Variants in PLCB4 observed in about 807,000 individuals in gnomAD.
The protein encoded by PLCB4 is 1-phosphatidylinositol 4,5-bisphosphate phosphodiesterase beta-4.
In PLCB4, 77 loss-of-function variants were observed where a neutral mutation model predicts 178.8. The ratio of observed to expected loss-of-function variants is 0.43; its 90% CI spans 0.36 to 0.52. The LOEUF (loss-of-function observed/expected upper bound fraction) is 0.52, where lower values mean the gene tolerates loss of function less well. PLCB4 is among the 20% of genes least tolerant of loss of function. The pLI is 0.00. For missense variants in PLCB4, 1,024 were observed against 1,453.4 expected, an observed-to-expected ratio of 0.70 and a Z score of 4.80; for synonymous variants, 496 against 490.8, an observed-to-expected ratio of 1.01 and a Z score of -0.14.
chr20:9,115,220 G>A (rs1490502728), intron 2 of PLCB4, among the ~76,000 whole-genome samples: 6 of 152,010 alleles, frequency 3.9e-5, no homozygotes, highest in Non-Finnish European at 8.8e-5. Flanking sequence ...TAAATCTTAC[G>A]TTATTCATTT....
chr20:9,316,469 C>T (rs1454522739), intron 4 of PLCB4, among the ~76,000 whole-genome samples: 4 of 152,114 alleles, frequency 2.6e-5, no homozygotes, highest in East Asian at 3.9e-4. Context: ...GATTCGTAGG[C>T]GGGGGCCAAA....
At chr20:9,239,973 T>G (rs2094039635) in intron 3 of PLCB4, among the ~76,000 whole-genome samples, 1 of 152,182 alleles carries the variant, frequency 6.6e-6, no homozygotes, top group Non-Finnish European at 1.5e-5. Flanking sequence ...CTTGCCTGCT[T>G]TATTCTAGCT....
At chr20:9,413,801 C>T (rs1359715382) in intron 25 of PLCB4, among the ~76,000 whole-genome samples, 1 of 152,162 alleles carries the variant, frequency 6.6e-6, no homozygotes, top group East Asian at 1.9e-4. Context: ...CGCTCTGTCA[C>T]CCAGGCTCAA....
chr20:9,285,437 T>G (rs2094528764), intron 3 of PLCB4, among the ~76,000 whole-genome samples: 1 of 151,982 alleles, frequency 6.6e-6, no homozygotes, highest in African/African-American at 2.4e-5. Flanking sequence ...AAAGCCTGAC[T>G]TACTAAGTTC....
At chr20:9,276,626 A>T (rs948251351) in intron 3 of PLCB4, among the ~76,000 whole-genome samples, 22 of 152,060 alleles carry the variant, frequency 1.4e-4, no homozygotes, top group African/African-American at 5.3e-4. Context: ...GTTCTGTGCC[A>T]TTCCTAGTCC....
At chr20:9,455,968 T>G (rs2122355351) in intron 33 of PLCB4, among the ~76,000 whole-genome samples, 2 of 152,334 alleles carry the variant, frequency 1.3e-5, no homozygotes, top group South Asian at 4.1e-4. Flanking sequence ...CCTGAGTAGC[T>G]GAGACTACAG....
At chr20:9,266,532 G>A (rs1160789409) in intron 3 of PLCB4, among the ~76,000 whole-genome samples, 1 of 152,118 alleles carries the variant, frequency 6.6e-6, no homozygotes, top group Non-Finnish European at 1.5e-5. Context: ...GTTAGTATCT[G>A]TTATTTTCAT....
chr20:9,317,274 G>A (rs1226835954), intron 4 of PLCB4, among the ~76,000 whole-genome samples: 1 of 152,006 alleles, frequency 6.6e-6, no homozygotes, highest in Admixed American at 6.6e-5. Context: ...TTTTAATTTA[G>A]TCACCCTCTA....
chr20:9,237,714 T>C (rs2147389857), intron 3 of PLCB4, among the ~76,000 whole-genome samples: 1 of 152,194 alleles, frequency 6.6e-6, no homozygotes, highest in South Asian at 2.1e-4. Context: ...GTGGTGTTAA[T>C]AGATACTTTG....
intron 3 of PLCB4, among the ~76,000 whole-genome samples, chr20:9,262,445 C>G (rs1253386013): frequency 6.6e-6 from 1 of 152,040 alleles, no homozygotes; most frequent in Non-Finnish European, 1.5e-5. Context: ...GAGTTACCTG[C>G]AAAAGGAAGA....
chr20:9,283,098 C>T (rs1298656286), intron 3 of PLCB4, among the ~76,000 whole-genome samples: 1 of 151,888 alleles, frequency 6.6e-6, no homozygotes, highest in Non-Finnish European at 1.5e-5. Context: ...GGAAGACTTT[C>T]TGGTCATGGA....
At chr20:9,345,070 T>C (rs2033655336) in intron 7 of PLCB4, among the ~76,000 whole-genome samples, 1 of 152,072 alleles carries the variant, frequency 6.6e-6, no homozygotes, top group South Asian at 2.1e-4. Context: ...ATGCCTGTAA[T>C]CCCAGCTACA....
intron 7 of PLCB4, among the ~76,000 whole-genome samples, chr20:9,343,007 G>T (rs1252125953): frequency 2.0e-5 from 3 of 152,150 alleles, no homozygotes; most frequent in African/African-American, 4.8e-5. Context: ...GACATGTAAG[G>T]TGAGAGTAAA....
At chr20:9,120,479 C>T (rs1365965059) in intron 2 of PLCB4, among the ~76,000 whole-genome samples, 1 of 152,000 alleles carries the variant, frequency 6.6e-6, no homozygotes, top group Non-Finnish European at 1.5e-5. Context: ...CTCTTAGCAA[C>T]ATCTTGCCAT....
At chr20:9,236,240 A>G (rs967729140) in intron 3 of PLCB4, among the ~76,000 whole-genome samples, 2 of 152,128 alleles carry the variant, frequency 1.3e-5, no homozygotes, top group African/African-American at 4.8e-5. Context: ...TGTTTAAGTG[A>G]CCTATAGGTT....
chr20:9,325,498 C>T (rs984029822), intron 4 of PLCB4, among the ~76,000 whole-genome samples: 2 of 152,154 alleles, frequency 1.3e-5, no homozygotes, highest in Non-Finnish European at 2.9e-5. Context: ...TGGCAAGAGT[C>T]AGGGAACCCT....
At chr20:9,115,475 T>C (rs1204976195) in intron 2 of PLCB4, among the ~76,000 whole-genome samples, 1 of 151,674 alleles carries the variant, frequency 6.6e-6, no homozygotes, top group Non-Finnish European at 1.5e-5. Flanking sequence ...ATGTGCACAA[T>C]GTGCAGGTTT....
intron 5 of PLCB4, among the ~76,000 whole-genome samples, 160 bp from the exon 6 acceptor site, chr20:9,337,848 A>G (rs568865752): frequency 1.3e-5 from 2 of 152,180 alleles, no homozygotes; most frequent in African/African-American, 4.8e-5. Context: ...ATTATTTCTG[A>G]TTATTTACAA....
chr20:9,439,626 A>G (rs2041991144), intron 30 of PLCB4, among the ~76,000 whole-genome samples: 1 of 152,218 alleles, frequency 6.6e-6, no homozygotes, highest in African/African-American at 2.4e-5. Context: ...AATGATCCAC[A>G]GGAAATAAGG....
Sources: gnomAD v4.1 joint callset for allele counts (sites outside exome capture counted in the v4.1 genomes callset) on GRCh38, gnomAD v4.1.1 for gene constraint, MANE v1.5 for transcripts, NCBI Gene and HGNC (gene_info 2026-07-23, HGNC 2026-07-21) for gene names.